The following CCSER1 variants were observed in gnomAD, a reference collection of about 807,000 sequenced individuals.
CCSER1 encodes the protein serine-rich coiled-coil domain-containing protein 1.
Under a neutral mutation model 82.0 loss-of-function variants are expected in CCSER1, and 41 were observed. The ratio of observed to expected loss-of-function variants is 0.50; its 90% confidence interval spans 0.39 to 0.65. The LOEUF (loss-of-function observed/expected upper bound fraction) is 0.65, where lower values mean the gene tolerates loss of function less well. Ranked by LOEUF, CCSER1 falls within the 30% of genes least tolerant of loss-of-function variation. The pLI, the probability that CCSER1 is intolerant of heterozygous loss-of-function variation, is 0.00. For synonymous variants in CCSER1, 414 were observed against 383.9 expected, an observed-to-expected ratio of 1.08 and a Z score of -0.92; for missense variants, 1,119 against 1,064.2, an observed-to-expected ratio of 1.05 and a Z score of -0.72.
At chr4:91,135,016 C>T (rs1461407768) in intron 10 of CCSER1, among the ~76,000 whole-genome samples, 1 of 151,602 alleles carries the variant, frequency 6.6e-6, no homozygotes, top group East Asian at 1.9e-4. Flanking sequence ...GCTGAGATTG[C>T]ACCACTCCAC....
intron 3 of CCSER1, among the ~76,000 whole-genome samples, chr4:90,326,070 T>TTG (rs1441555882): frequency 6.7e-6 from 1 of 148,170 alleles, no homozygotes; most frequent in African/African-American, 2.5e-5. Flanking sequence ...TTTTTTTTTT[T>TTG]TTTTTTGAGA....
intron 10 of CCSER1, among the ~76,000 whole-genome samples, chr4:91,536,059 C>G (rs1578724702): frequency 1.3e-5 from 2 of 152,016 alleles, no homozygotes; most frequent in Non-Finnish European, 2.9e-5. Flanking sequence ...CAGGAATACT[C>G]TAGTTTTCAG....
In CCSER1 at chr4:91,601,757, C is replaced by T. The variant is rs980345476; in HGVS notation, c.*2700C>T. 1 of 152,036 alleles carries T rather than the reference C, an allele frequency of 6.6e-6. No homozygotes were observed. Among genetic ancestry groups the T allele is most frequent in the South Asian group, 2.1e-4 (1 of 4,826 alleles). 9.4% of individuals were successfully genotyped at this position (152,036 alleles called of 1,614,324 possible). A position where few individuals can be genotyped will look rare whatever the true frequency, so the allele number is the denominator to read the frequency against. ...TGTGCATGTGTATGTGTAGCTAAGC[C>T]TAAATAACCCTGTAAAATTTCTGCT... On this transcript the variant is annotated 3_prime_UTR_variant, in exon 11 of 11. Coordinates refer to ENST00000509176, the MANE Select transcript of CCSER1 (RefSeq NM_001145065.2).
chr4:91,373,557 GT>G (rs1228099730), intron 10 of CCSER1, among the ~76,000 whole-genome samples: 1 of 152,056 alleles, frequency 6.6e-6, no homozygotes, highest in Non-Finnish European at 1.5e-5. Context: ...TGTTCTGTGG[GT>G]TTTGACTGCT....
At chr4:90,600,312 C>T (rs1376904429) in intron 5 of CCSER1, among the ~76,000 whole-genome samples, 1 of 152,056 alleles carries the variant, frequency 6.6e-6, no homozygotes, top group Non-Finnish European at 1.5e-5. Context: ...ACATTTCTAC[C>T]AGGAGCATAT....
rs1560879545 is a variant in CCSER1, at chr4:90,648,305, GAAAGAAA to G, written c.1932+20074_1932+20080del. On this transcript the variant is annotated intron_variant, in intron 6 of 10. Coordinates refer to ENST00000509176, the MANE Select transcript of CCSER1 (RefSeq NM_001145065.2). ...GAAAGGAAAGAAAGAAAGAAAGAAA[GAAAGAAA>G]GAAAGAAAGAAAGAAAGAAAGAAAG... is the stretch of plus-strand genomic sequence containing the variant. 7.9e-5 allele frequency among the ~76,000 whole-genome samples: 11 copies of G among 139,582 alleles called. No homozygotes were observed. In the East Asian group the frequency reaches 2.2e-3, roughly 28 times the overall value. The allele number at this position is 139,582 out of a possible 152,430, so 91.6% of individuals were successfully genotyped here. A position where few individuals can be genotyped will look rare whatever the true frequency, so the allele number is the denominator to read the frequency against.
intron 10 of CCSER1, among the ~76,000 whole-genome samples, chr4:91,279,712 A>ACTCCTGTACTTAAATAACTC (rs1350131343): frequency 6.6e-6 from 1 of 152,094 alleles, no homozygotes; most frequent in Non-Finnish European, 1.5e-5. Context: ...TTCTTAAATA[A>ACTCCTGTACTTAAATAACTC]CACTACTTTG....
intron 9 of CCSER1, among the ~76,000 whole-genome samples, chr4:90,993,462 AT>A (rs150700987): frequency 0.026 from 3,904 of 148,962 alleles, 76 homozygotes; most frequent in South Asian, 0.051. Context: ...TTATTTCCTT[AT>A]TTTTTTTTTC....
At chr4:90,811,174 T>A (rs1758239292) in intron 7 of CCSER1, among the ~76,000 whole-genome samples, 1 of 151,908 alleles carries the variant, frequency 6.6e-6, no homozygotes, top group Non-Finnish European at 1.5e-5. Flanking sequence ...GAGCATGAGG[T>A]ATTGTGAGGG....
chr4:91,415,417 T>C (rs887312265), intron 10 of CCSER1, among the ~76,000 whole-genome samples: 1 of 152,164 alleles, frequency 6.6e-6, no homozygotes, highest in Non-Finnish European at 1.5e-5. Context: ...TTCTCTTGCC[T>C]GATTGCCCTG....
chr4:90,692,705 T>TAAATA (rs57181833), intron 6 of CCSER1, among the ~76,000 whole-genome samples: 24,552 of 151,720 alleles, frequency 0.16, 2,115 homozygotes, highest in Middle Eastern at 0.26. Flanking sequence ...ATGAACACAT[T>TAAATA]AATCAAAATA....
intron 8 of CCSER1, among the ~76,000 whole-genome samples, chr4:90,853,637 T>A (rs1326283335): frequency 3.9e-5 from 6 of 152,138 alleles, no homozygotes; most frequent in Non-Finnish European, 7.4e-5. Context: ...ATTTTTTATT[T>A]ATTACAATTA....
chr4:90,343,331 G>A (rs954808113), intron 3 of CCSER1, among the ~76,000 whole-genome samples: 15 of 152,132 alleles, frequency 9.9e-5, no homozygotes, highest in Non-Finnish European at 2.1e-4. Flanking sequence ...TTATCACCTA[G>A]GTGATTGCAG....
intron 6 of CCSER1, among the ~76,000 whole-genome samples, chr4:90,670,526 G>A (rs1732603133): frequency 1.3e-5 from 2 of 152,024 alleles, no homozygotes; most frequent in Non-Finnish European, 2.9e-5. Flanking sequence ...TGTTGGAAAA[G>A]CAGGTTAGCA....
intron 10 of CCSER1, among the ~76,000 whole-genome samples, chr4:91,184,230 C>T (rs35413709): frequency 0.71 from 108,225 of 152,132 alleles, 38,957 homozygotes; most frequent in Non-Finnish European, 0.78. Flanking sequence ...GGCCCACATA[C>T]GACTGGCAAA....
chr4:90,505,031 G>T (rs1014517756), intron 5 of CCSER1, among the ~76,000 whole-genome samples: 1 of 152,200 alleles, frequency 6.6e-6, no homozygotes, highest in Non-Finnish European at 1.5e-5. Flanking sequence ...TTTTGGCATT[G>T]CAAGGTCAAC....
At chr4:90,995,705 G>C (rs983674508) in intron 9 of CCSER1, among the ~76,000 whole-genome samples, 17 of 152,030 alleles carry the variant, frequency 1.1e-4, no homozygotes, top group Admixed American at 8.5e-4. Context: ...ACATAATTAA[G>C]AAAGACTGTA....
chr4:91,195,107 GTAA>G (rs1735305543), intron 10 of CCSER1, among the ~76,000 whole-genome samples: 1 of 152,194 alleles, frequency 6.6e-6, no homozygotes, highest in South Asian at 2.1e-4. Flanking sequence ...ATGGCCAGTA[GTAA>G]TAATGATTTT....
At chr4:90,144,334 T>C (rs1302126305) in intron 1 of CCSER1, among the ~76,000 whole-genome samples, 2 of 152,242 alleles carry the variant, frequency 1.3e-5, no homozygotes, top group Non-Finnish European at 2.9e-5. Context: ...TGCTGTTTCC[T>C]ATTAAATATG....
Sources: gnomAD v4.1 joint callset for allele counts (sites outside exome capture counted in the v4.1 genomes callset) on GRCh38, gnomAD v4.1.1 for gene constraint, MANE v1.5 for transcripts, NCBI Gene and HGNC (gene_info 2026-07-23, HGNC 2026-07-21) for gene names.